The following ST8SIA1 variants were observed in gnomAD, a reference collection of about 807,000 sequenced individuals.
ST8SIA1 encodes alpha-N-acetylneuraminide alpha-2,8-sialyltransferase.
ST8SIA1 carries 16 observed loss-of-function variants against 35.9 expected under a neutral mutation model. That is an observed-to-expected ratio of 0.45 (90% CI 0.30 to 0.68). ST8SIA1 has a LOEUF of 0.68. Among genes scored for constraint, ST8SIA1 ranks in the 30% least tolerant of loss-of-function variants. ST8SIA1 has a pLI of 0.09. For synonymous variants in ST8SIA1, 170 were observed against 169.6 expected (o/e 1.00, Z -0.02); for missense variants, 383 against 453.6 (o/e 0.84, Z 1.41).
chr12:22,275,548 C>T (rs1336190282), intron 2 of ST8SIA1, among the ~76,000 whole-genome samples: 10 of 151,152 alleles, frequency 6.6e-5, no homozygotes, highest in African/African-American at 1.7e-4. Context: ...AGTGAGACTC[C>T]GTGTCAAAAA....
intron 2 of ST8SIA1, among the ~76,000 whole-genome samples, chr12:22,266,036 T>C (rs1270077892): frequency 6.6e-6 from 1 of 151,930 alleles, no homozygotes; most frequent in Non-Finnish European, 1.5e-5. Flanking sequence ...CACCCAATAT[T>C]CCCTCCACAC....
At chr12:22,258,617 G>C (rs1332379922) in intron 2 of ST8SIA1, among the ~76,000 whole-genome samples, 1 of 152,188 alleles carries the variant, frequency 6.6e-6, no homozygotes, top group Non-Finnish European at 1.5e-5. Flanking sequence ...GGTAGATTTA[G>C]TTCAGCGATA....
At chr12:22,320,861 AAAG>A (rs1249212859) in intron 1 of ST8SIA1, among the ~76,000 whole-genome samples, 1 of 149,228 alleles carries the variant, frequency 6.7e-6, no homozygotes, top group African/African-American at 2.5e-5. Context: ...GAGAAGAAAA[AAAG>A]AAAGAAAGAA....
intron 4 of ST8SIA1, among the ~76,000 whole-genome samples, chr12:22,205,716 G>A (rs141576936): frequency 7.0e-4 from 106 of 152,016 alleles, no homozygotes; most frequent in African/African-American, 2.4e-3. Flanking sequence ...CCAGGAGTTC[G>A]AGACCAGCCT....
chr12:22,309,769 C>A (rs1219924410), intron 1 of ST8SIA1, among the ~76,000 whole-genome samples: 3 of 152,030 alleles, frequency 2.0e-5, no homozygotes, highest in Non-Finnish European at 4.4e-5. Context: ...CTTTAGTTGG[C>A]AGTAGAAAGG....
intron 2 of ST8SIA1, among the ~76,000 whole-genome samples, chr12:22,279,659 A>C (rs1473746527): frequency 2.0e-5 from 3 of 151,978 alleles, no homozygotes; most frequent in Non-Finnish European, 4.4e-5. Context: ...ACATCATGTT[A>C]CTCCTTATTA....
rs1591821829 is a variant in ST8SIA1, at chr12:22,200,392, G to A, written c.*1160C>T. ...TCATAGTTGCACAGTAATGAGCTTT[G>A]TTTAACTTTGTGTGTGTGTATGTGT... On this transcript the variant is annotated 3_prime_UTR_variant, in exon 5 of 5. Transcript: ENST00000396037. 7.0e-6 allele frequency: 1 copy of A among 143,268 alleles called. No individual in the cohort carries two copies. Among genetic ancestry groups the A allele is most frequent in the Non-Finnish European group, 1.5e-5 (1 of 67,750 alleles). The allele number at this position is 143,268 out of a possible 1,614,324, so 8.9% of individuals were successfully genotyped here. A position where few individuals can be genotyped will look rare whatever the true frequency, so the allele number is the denominator to read the frequency against.
chr12:22,315,491 T>C (rs1038053992), intron 1 of ST8SIA1, among the ~76,000 whole-genome samples: 9 of 152,154 alleles, frequency 5.9e-5, no homozygotes, highest in African/African-American at 2.2e-4. Context: ...TTCCTCTTGC[T>C]TTCCATTTCC....
rs892178175 is a variant in ST8SIA1 at position 22,199,250 on chromosome 12, G to A, written c.*2302C>T. ...GGCTCACTGCAACCTCCACTTCCTGGGTTTAAGAGATTCTAGTCCAGATGA... is the reference window on the plus strand; with the variant it reads ...GGCTCACTGCAACCTCCACTTCCTGAGTTTAAGAGATTCTAGTCCAGATGA... On this transcript the variant is annotated 3_prime_UTR_variant, in exon 5 of 5. Transcript: ENST00000396037. The A allele has an allele frequency of 1.3e-5, 2 of 150,648 alleles. No individual in the cohort carries two copies. The highest frequency in any genetic ancestry group is 2.9e-5 in the Non-Finnish European group (2 of 67,830). The allele number at this position is 150,648 out of a possible 1,614,324, so 9.3% of individuals were successfully genotyped here. A position where few individuals can be genotyped will look rare whatever the true frequency, so the allele number is the denominator to read the frequency against.
rs190485574 is a variant in ST8SIA1 at position 22,193,768 on chromosome 12, T to C, written c.*7784A>G. 66 of 152,356 alleles carry C rather than the reference T, an allele frequency of 4.3e-4. No homozygotes were observed. Among genetic ancestry groups the C allele is most frequent in the Non-Finnish European group, 6.5e-4 (44 of 68,038 alleles). The allele number at this position is 152,356 out of a possible 1,614,324, so 9.4% of individuals were successfully genotyped here. A position where few individuals can be genotyped will look rare whatever the true frequency, so the allele number is the denominator to read the frequency against. On this transcript the variant is annotated 3_prime_UTR_variant, in exon 5 of 5. Transcript: ENST00000396037. ...AATAGAAAGAAGCAATTCCATATAC[T>C]CTTCAAAGGTGATTTCAATTTTATA...
intron 1 of ST8SIA1, among the ~76,000 whole-genome samples, chr12:22,315,101 C>G (rs1307842608): frequency 6.6e-6 from 1 of 152,100 alleles, no homozygotes; most frequent in Non-Finnish European, 1.5e-5. Flanking sequence ...TTGTCTGACC[C>G]ACTAGTTACA....
At chr12:22,328,709 A>C (rs1382907753) in intron 1 of ST8SIA1, among the ~76,000 whole-genome samples, 21 of 152,210 alleles carry the variant, frequency 1.4e-4, no homozygotes, top group Non-Finnish European at 2.9e-5. Flanking sequence ...CAGCCTGGGA[A>C]GGGAAGAAGG....
intron 2 of ST8SIA1, among the ~76,000 whole-genome samples, chr12:22,267,875 C>A (rs902716316): frequency 1.1e-4 from 17 of 152,152 alleles, no homozygotes; most frequent in African/African-American, 4.1e-4. Flanking sequence ...CAGATATGAC[C>A]TGAGGTCTTC....
chr12:22,223,367 G>A (rs1865321192), intron 4 of ST8SIA1: 2 of 199,920 alleles, frequency 1.0e-5, no homozygotes, highest in South Asian at 1.7e-4. Flanking sequence ...AGAGTGTGGT[G>A]CATGTATGGA....
At chr12:22,226,015 T>C (rs1389040527) in intron 4 of ST8SIA1, among the ~76,000 whole-genome samples, 1 of 152,208 alleles carries the variant, frequency 6.6e-6, no homozygotes, top group Non-Finnish European at 1.5e-5. Flanking sequence ...TCAATCTGTA[T>C]ACTTTTAATT....
At chr12:22,328,842 C>T (rs1866717292) in intron 1 of ST8SIA1, among the ~76,000 whole-genome samples, 1 of 152,118 alleles carries the variant, frequency 6.6e-6, no homozygotes, top group Admixed American at 6.5e-5. Flanking sequence ...TATAAGAAGC[C>T]CCATTTTATG....
chr12:22,277,262 G>A (rs887575548), intron 2 of ST8SIA1, among the ~76,000 whole-genome samples: 9 of 152,022 alleles, frequency 5.9e-5, no homozygotes, highest in Non-Finnish European at 1.3e-4. Context: ...GGCAAGTAGT[G>A]AAGAGTGAGT....
chr12:22,224,300 T>C (rs1425180189), intron 4 of ST8SIA1, among the ~76,000 whole-genome samples: 2 of 148,640 alleles, frequency 1.3e-5, no homozygotes, highest in South Asian at 2.1e-4. Context: ...TATAAATATA[T>C]AAAAATATAT....
rs1359766816 is a variant in ST8SIA1, at chr12:22,200,733, T to A, written c.*819A>T. 6.6e-6 allele frequency: 1 copy of A among 152,158 alleles called. No homozygotes were observed. Among genetic ancestry groups the A allele is most frequent in the Non-Finnish European group, 1.5e-5 (1 of 68,022 alleles). The allele number at this position is 152,158 out of a possible 1,614,324, so 9.4% of individuals were successfully genotyped here. On this transcript the variant is annotated 3_prime_UTR_variant, in exon 5 of 5. Transcript: ENST00000396037. ...GCCAATTTACAAACAAATAATTCAC[T>A]CATATTGGTAGTCTTTTGCACTAAA...
Sources: gnomAD v4.1 joint callset for allele counts (sites outside exome capture counted in the v4.1 genomes callset) on GRCh38, gnomAD v4.1.1 for gene constraint, MANE v1.5 for transcripts, NCBI Gene and HGNC (gene_info 2026-07-23, HGNC 2026-07-21) for gene names.